DOCK5: variants seen among roughly 807,000 people sequenced by gnomAD.
The protein encoded by DOCK5 is dedicator of cytokinesis protein 5.
A neutral mutation model predicts 251.8 loss-of-function variants in DOCK5; 142 were observed. The ratio of observed to expected loss-of-function variants is 0.56; its 90% confidence interval spans 0.49 to 0.65. The LOEUF (loss-of-function observed/expected upper bound fraction) is 0.65, where lower values mean the gene tolerates loss of function less well. DOCK5 is among the 30% of genes least tolerant of loss of function. The pLI is 0.00. For missense variants in DOCK5, 2,111 were observed against 2,312.3 expected (o/e 0.91, Z 1.79); for synonymous variants, 842 against 835.5 (o/e 1.01, Z -0.13).
chr8:25,275,565 T>G, intron 4 of DOCK5, 124 bp downstream of exon 4: 1 of 952,798 alleles, frequency 1.0e-6, no homozygotes, highest in Admixed American at 3.1e-5. Flanking sequence ...CCAGGCGTGG[T>G]GGCTCACGCC....
chr8:25,319,539 CAA>C (rs1054069868), intron 14 of DOCK5, 37 bp from the exon 15 acceptor site: 13 of 1,485,648 alleles, frequency 8.8e-6, no homozygotes, highest in Non-Finnish European at 1.0e-5. Flanking sequence ...CTTTTCTAAA[CAA>C]AATTATTCCC....
Position 25,341,000 on chromosome 8 carries a change from AG to A in DOCK5, c.2439+13del, listed in dbSNP as rs1302175041. The A allele has an allele frequency of 6.3e-7, 1 of 1,599,226 alleles. No individual in the cohort carries two copies. Among genetic ancestry groups the A allele is most frequent in the Admixed American group, 1.7e-5 (1 of 58,732 alleles). ...CCGTCAAGATCAAGGTCAGCCTGGC[AG>A]CATCATGGGTAACTCTTCTTAGGCT... On this transcript the variant is annotated intron_variant, in intron 23 of 51. Transcript: ENST00000276440.
chr8:25,198,043 C>T (rs1801779338), intron 1 of DOCK5, among the ~76,000 whole-genome samples: 1 of 152,110 alleles, frequency 6.6e-6, no homozygotes, highest in African/African-American at 2.4e-5. Flanking sequence ...AGGCACTGTG[C>T]CGGTGTCTTT....
At position 25,372,643 on chromosome 8, in the gene DOCK5, C is replaced by A. The variant is rs750220666; in HGVS notation, c.3609C>A (p.Asn1203Lys). The A allele has an allele frequency of 1.9e-6, 3 of 1,610,368 alleles. No individual in the cohort carries two copies. Among genetic ancestry groups the A allele is most frequent in the South Asian group, 1.1e-5 (1 of 90,310 alleles). ...FALLVSSLLE[N>K]LLDYRTIIMQ... is the part of the protein sequence containing the mutation. Reference sequence around the variant, plus strand: ...TCCTGGTCAGCAGCCTCTTAGAGAACCTGCTGGACTATAGAACCATCATCA... The same window carrying A: ...TCCTGGTCAGCAGCCTCTTAGAGAAACTGCTGGACTATAGAACCATCATCA... Residue 1203 changes from asparagine (N) to lysine (K), a missense_variant, in exon 35 of 52, where the codon AAC becomes AAA. Asn to Lys is a moderately conservative substitution (Grantham distance 94). Coordinates refer to ENST00000276440, the MANE Select transcript of DOCK5 (RefSeq NM_024940.8).
At chr8:25,207,397 C>G (rs188056626) in intron 1 of DOCK5, among the ~76,000 whole-genome samples, 9 of 152,272 alleles carry the variant, frequency 5.9e-5, no homozygotes, top group South Asian at 2.1e-4. Flanking sequence ...AAGATGCTGT[C>G]TAGTACTTTC....
intron 1 of DOCK5, among the ~76,000 whole-genome samples, chr8:25,243,260 A>C (rs923123274): frequency 2.0e-5 from 3 of 151,908 alleles, no homozygotes; most frequent in Admixed American, 2.0e-4. Context: ...TGTGCTTTAC[A>C]GTGGGCAATT....
At chr8:25,356,958 G>A (rs1292076586) in intron 27 of DOCK5, among the ~76,000 whole-genome samples, 1 of 142,210 alleles carries the variant, frequency 7.0e-6, no homozygotes, top group Non-Finnish European at 1.5e-5. Flanking sequence ...CAAATTAAAT[G>A]TCAAGTCCCA....
At position 25,241,113 on chromosome 8, in the gene DOCK5, T is replaced by A. The variant is rs139157083; in HGVS notation, c.44-2561T>A. ...GAGCTCCTCTCAAAATCCTTATCAT[T>A]GGTCATTAGAAAAATGCAAATAAAA... On this transcript the variant is annotated intron_variant, in intron 1 of 51. Transcript: ENST00000276440. Among the ~76,000 whole-genome samples, 849 of 152,316 alleles carry A rather than the reference T, an allele frequency of 5.6e-3. 11 individuals are homozygous for A. Among genetic ancestry groups the A allele is most frequent in the African/African-American group, 0.019 (810 of 41,562 alleles).
intron 5 of DOCK5, among the ~76,000 whole-genome samples, chr8:25,291,504 GAAACCCCATCTCTACTA>G (rs1804485383): frequency 1.3e-5 from 2 of 151,706 alleles, no homozygotes; most frequent in South Asian, 2.1e-4. Context: ...CCAACGTGAT[GAAACCCCATCTCTACTA>G]AAAATGCAAA....
intron 39 of DOCK5, among the ~76,000 whole-genome samples, chr8:25,381,612 A>G (rs956131544): frequency 2.6e-5 from 4 of 152,004 alleles, no homozygotes; most frequent in African/African-American, 9.7e-5. Context: ...TGGGCAACAG[A>G]ATGAGACCCT....
chr8:25,268,852 CA>C lies in DOCK5; in HGVS notation c.136del (p.Arg46GlufsTer21). 3 of 1,571,110 alleles carry C rather than the reference CA, an allele frequency of 1.9e-6. No individual in the cohort carries two copies. Among genetic ancestry groups the C allele is most frequent in the Non-Finnish European group, 2.6e-6 (3 of 1,161,832 alleles). On this transcript the variant is annotated frameshift_variant, in exon 3 of 52. Transcript: ENST00000276440. LOFTEE classifies it high-confidence loss of function. ...TCTCTTTTGCTCTGACAGGTTGGTA[CA>C]GAGGATATACCCTCCAAAATAAATC... Reference protein sequence around the residue: ...HILEMYEGWYRGYTLQNKSKK... With the variant: ...HILEMYEGWYXGYTLQNKSKK...
intron 34 of DOCK5, among the ~76,000 whole-genome samples, chr8:25,371,989 T>G (rs546761393): frequency 2.5e-4 from 38 of 152,370 alleles, no homozygotes; most frequent in African/African-American, 8.9e-4. Context: ...TCAGTTTGCT[T>G]CTTTATAACT....
chr8:25,368,069 C>G, intron 31 of DOCK5, 123 bp from the exon 32 acceptor site: 1 of 733,352 alleles, frequency 1.4e-6, no homozygotes, highest in South Asian at 1.8e-5. Flanking sequence ...AACCTCATCT[C>G]TTAAGGTTGG....
intron 45 of DOCK5, among the ~76,000 whole-genome samples, chr8:25,399,446 A>G (rs1801400179): frequency 6.6e-6 from 1 of 152,258 alleles, no homozygotes; most frequent in South Asian, 2.1e-4. Context: ...AATATAGGAA[A>G]AAAGCGTGAT....
chr8:25,312,244 T>TAACAACC (rs1805118382), intron 13 of DOCK5, among the ~76,000 whole-genome samples: 2 of 152,210 alleles, frequency 1.3e-5, no homozygotes, highest in South Asian at 2.1e-4. Flanking sequence ...ATTCTCTACC[T>TAACAACC]GAAGGTTGTT....
chr8:25,400,957 T>C lies in DOCK5; in HGVS notation c.4817T>C (p.Ile1606Thr). ...CCCCTGCTAACAGAAGGGATCCGCA[T>C]CCATGGGGAGAAACTCACAGAGCAG... ...QMPLLTEGIR[I>T]HGEKLTEQLK... Residue 1606 changes from isoleucine (I) to threonine (T), a missense_variant, in exon 47 of 52, where the codon ATC becomes ACC. Transcript: ENST00000276440. The C allele has an allele frequency of 6.2e-7, 1 of 1,614,000 alleles. No homozygotes were observed. Among genetic ancestry groups the C allele is most frequent in the Non-Finnish European group, 8.5e-7 (1 of 1,179,886 alleles).
chr8:25,263,339 G>A (rs549192858), intron 2 of DOCK5, among the ~76,000 whole-genome samples: 1 of 151,666 alleles, frequency 6.6e-6, no homozygotes, highest in South Asian at 2.1e-4. Context: ...CAGAGCTAGG[G>A]GTAGTATGCA....
At chr8:25,271,010 T>G in intron 3 of DOCK5, 1 of 429,382 alleles carries the variant, frequency 2.3e-6, no homozygotes. Context: ...CTCTGCTTAC[T>G]TTTTTTTTCT....
At chr8:25,346,516 C>T (rs1011995506) in intron 26 of DOCK5, among the ~76,000 whole-genome samples, 6 of 151,530 alleles carry the variant, frequency 4.0e-5, no homozygotes, top group African/African-American at 1.2e-4. Flanking sequence ...TGACCTGGCC[C>T]CCATCCCTCT....
Sources: allele counts gnomAD v4.1 joint callset (sites outside exome capture counted in the v4.1 genomes callset), GRCh38; gene constraint gnomAD v4.1.1; transcripts MANE v1.5; gene names NCBI Gene and HGNC (gene_info 2026-07-23, HGNC 2026-07-21).